BCL11A: variants seen among roughly 807,000 people sequenced by gnomAD.
BCL11A encodes B cell CLL/lymphoma 11A.
In BCL11A, 2 loss-of-function variants were observed where a neutral mutation model predicts 55.9. That is an observed-to-expected ratio of 0.04 (90% CI 0.01 to 0.11). The LOEUF (loss-of-function observed/expected upper bound fraction) is 0.11. BCL11A is among the 10% of genes least tolerant of loss of function. The pLI is 1.00. For missense variants in BCL11A, 817 were observed against 1,137.1 expected (o/e 0.72, Z 4.05); for synonymous variants, 465 against 473.4 (o/e 0.98, Z 0.23).
chr2:60,538,053 C>G (rs1669749821), intron 2 of BCL11A: 1 of 152,210 alleles, frequency 6.6e-6, no homozygotes, highest in South Asian at 2.1e-4. Context: ...CTCCAGGTTC[C>G]CACTGGGAAT....
intron 2 of BCL11A, among the ~76,000 whole-genome samples, chr2:60,486,121 G>C (rs1678262917): frequency 6.6e-6 from 1 of 152,176 alleles, no homozygotes; most frequent in South Asian, 2.1e-4. Context: ...GTGACAAGCT[G>C]TTCTCCATTC....
At position 60,459,322 on chromosome 2, in the gene BCL11A, C is replaced by T; in HGVS notation, c.*1082G>A. ...GCAAATATCTTCATAAAATGAACTC[C>T]TTACTAGTGTATTTAATTGCGTTCC... is the stretch of plus-strand genomic sequence containing the variant. On this transcript the variant is annotated 3_prime_UTR_variant, in exon 4 of 4. Transcript: ENST00000642384. The T allele has an allele frequency of 9.8e-7, 1 of 1,016,922 alleles. No homozygotes were observed. Among genetic ancestry groups the T allele is most frequent in the South Asian group, 4.6e-5 (1 of 21,534 alleles). The allele number at this position is 1,016,922 out of a possible 1,614,324, so 63.0% of individuals were successfully genotyped here.
chr2:60,516,485 G>A (rs925002773), intron 2 of BCL11A, among the ~76,000 whole-genome samples: 3 of 152,210 alleles, frequency 2.0e-5, no homozygotes, highest in Admixed American at 6.5e-5. Flanking sequence ...CCATGAAGTC[G>A]TCACTGGGAG....
At position 60,528,934 on chromosome 2, in the gene BCL11A, G is replaced by A. The variant is rs532834396; in HGVS notation, c.385+17037C>T. On this transcript the variant is annotated intron_variant, in intron 2 of 3. Coordinates refer to ENST00000642384, the MANE Select transcript of BCL11A (RefSeq NM_022893.4). The stretch of plus-strand genomic sequence containing the variant: ...CCTTGAGTTATCTCCATTTCACAGA[G>A]AGGTGAAATGATTCCCTCAGACTCT... Among the ~76,000 whole-genome samples, 5 of 152,306 alleles carry A rather than the reference G, an allele frequency of 3.3e-5. No homozygotes were observed. The South Asian group carries it at 1.0e-3, about 32-fold the overall frequency.
In BCL11A at chr2:60,553,390, G is replaced by A. The variant is rs1406311182; in HGVS notation, c.-120C>T. 1.1e-6 allele frequency: 1 copy of A among 942,352 alleles called. No homozygotes were observed. The allele number at this position is 942,352 out of a possible 1,614,324, so 58.4% of individuals were successfully genotyped here. On this transcript the variant is annotated 5_prime_UTR_variant, in exon 1 of 4. Transcript: ENST00000642384. ...GACTCCAGAGAAAATATCTTCATCAGTGCCTTTTGACATCCAAAATAAATT... is the reference window on the plus strand; with the variant it reads ...GACTCCAGAGAAAATATCTTCATCAATGCCTTTTGACATCCAAAATAAATT...
intron 2 of BCL11A, among the ~76,000 whole-genome samples, chr2:60,499,139 ATTATC>A (rs1679126650): frequency 6.6e-6 from 1 of 152,218 alleles, no homozygotes; most frequent in South Asian, 2.1e-4. Context: ...CTGGGCTGCC[ATTATC>A]TTCTCTGGTC....
intron 2 of BCL11A, among the ~76,000 whole-genome samples, chr2:60,529,807 AT>A (rs1490799435): frequency 6.6e-6 from 1 of 152,186 alleles, no homozygotes; most frequent in African/African-American, 2.4e-5. Flanking sequence ...TGGGAAAAAT[AT>A]TTTTTATTGT....
chr2:60,452,793 T>C (rs1675781531), downstream of BCL11A: 2 of 693,542 alleles, frequency 2.9e-6, no homozygotes, highest in East Asian at 5.5e-5. Context: ...GTCGAGCCAC[T>C]GGCATCTTAA....
At chr2:60,522,644 A>C (rs1296528646) in intron 2 of BCL11A, 3 of 152,264 alleles carry the variant, frequency 2.0e-5, no homozygotes, top group African/African-American at 7.2e-5. Flanking sequence ...TCTCTGTGAC[A>C]GTCCTCCCAC....
chr2:60,486,529 G>A (rs531432244), intron 2 of BCL11A, among the ~76,000 whole-genome samples: 1 of 152,236 alleles, frequency 6.6e-6, no homozygotes, highest in Non-Finnish European at 1.5e-5. Context: ...GCTACATCAG[G>A]CCCAGAAAAG....
chr2:60,529,155 C>T (rs987527976), intron 2 of BCL11A, among the ~76,000 whole-genome samples: 9 of 152,242 alleles, frequency 5.9e-5, no homozygotes, highest in Non-Finnish European at 1.0e-4. Context: ...TCTCTCATCC[C>T]AACCTGCTCA....
intron 1 of BCL11A, chr2:60,551,016 G>A: frequency 2.5e-6 from 1 of 397,576 alleles, no homozygotes; most frequent in Non-Finnish European, 4.4e-6. Context: ...GGGTGGGGGA[G>A]CTTCCGAAGT....
chr2:60,527,749 A>G (rs896498569), intron 2 of BCL11A: 5 of 152,248 alleles, frequency 3.3e-5, no homozygotes, highest in Non-Finnish European at 7.3e-5. Flanking sequence ...GCGCTTCTCA[A>G]CTACCAAATG....
intron 2 of BCL11A, among the ~76,000 whole-genome samples, chr2:60,478,740 T>C (rs1677778336): frequency 6.6e-6 from 1 of 152,242 alleles, no homozygotes; most frequent in African/African-American, 2.4e-5. Context: ...GAGGTGAGGC[T>C]GAATGAAGGA....
At chr2:60,507,068 T>C (rs1359741355) in intron 2 of BCL11A, among the ~76,000 whole-genome samples, 1 of 151,888 alleles carries the variant, frequency 6.6e-6, no homozygotes, top group Non-Finnish European at 1.5e-5. Context: ...ATGAACTAAC[T>C]CTAATTTTTG....
intron 2 of BCL11A, among the ~76,000 whole-genome samples, chr2:60,515,304 G>A (rs1000593232): frequency 1.3e-5 from 2 of 152,186 alleles, no homozygotes; most frequent in African/African-American, 4.8e-5. Flanking sequence ...CCTGGACAGG[G>A]AGCTGGGGAT....
chr2:60,466,505 G>A (rs1391447758), intron 3 of BCL11A, among the ~76,000 whole-genome samples: 1 of 151,966 alleles, frequency 6.6e-6, no homozygotes, highest in Non-Finnish European at 1.5e-5. Flanking sequence ...GGGAGCAGAT[G>A]AGGTGCTTTT....
At chr2:60,516,452 C>T (rs1290589735) in intron 2 of BCL11A, among the ~76,000 whole-genome samples, 1 of 152,222 alleles carries the variant, frequency 6.6e-6, no homozygotes, top group Non-Finnish European at 1.5e-5. Flanking sequence ...GCAAGAAAGG[C>T]CACTCACTAT....
At chr2:60,552,899 G>A (rs1032932716) in intron 1 of BCL11A, among the ~76,000 whole-genome samples, 1 of 152,006 alleles carries the variant, frequency 6.6e-6, no homozygotes, top group African/African-American at 2.4e-5. Flanking sequence ...GGGCGGGGGG[G>A]GAGTGGAATC....
Sources: gnomAD v4.1 joint callset for allele counts (sites outside exome capture counted in the v4.1 genomes callset) on GRCh38, gnomAD v4.1.1 for gene constraint, MANE v1.5 for transcripts, NCBI Gene and HGNC (gene_info 2026-07-23, HGNC 2026-07-21) for gene names.